VPS13A: variants seen among roughly 807,000 people sequenced by gnomAD.
VPS13A encodes intermembrane lipid transfer protein VPS13A.
VPS13A carries 264 observed loss-of-function variants against 390.9 expected under a neutral mutation model. That is an observed-to-expected ratio of 0.68 (90% CI 0.61 to 0.75). The LOEUF (loss-of-function observed/expected upper bound fraction) is 0.75. Among genes scored for constraint, VPS13A ranks in the 30% least tolerant of loss-of-function variants. The probability of loss-of-function intolerance (pLI) is 0.00; values close to 1 mark genes in which losing one functional copy is unlikely to be tolerated. For synonymous variants in VPS13A, 1,231 were observed against 1,227.1 expected (o/e 1.00, Z -0.07); for missense variants, 3,409 against 3,733.9 (o/e 0.91, Z 2.27).
At chr9:77,414,720 C>A (rs1835095163) in intron 71 of VPS13A, among the ~76,000 whole-genome samples, 1 of 141,716 alleles carries the variant, frequency 7.1e-6, no homozygotes, top group Non-Finnish European at 1.5e-5. Context: ...GCACATGTAC[C>A]CTAAAACTTG....
At chr9:77,403,860 A>G (rs1005329676) in intron 69 of VPS13A, among the ~76,000 whole-genome samples, 14 of 152,194 alleles carry the variant, frequency 9.2e-5, no homozygotes, top group African/African-American at 3.4e-4. Context: ...AAAATGAGCA[A>G]GTGCATTAGT....
chr9:77,210,219 TCTCC>T (rs1825898798), intron 6 of VPS13A, among the ~76,000 whole-genome samples: 1 of 117,628 alleles, frequency 8.5e-6, no homozygotes, highest in African/African-American at 3.4e-5. Flanking sequence ...TCTCCTCTTC[TCTCC>T]CCTCCCCTCC....
chr9:77,319,566 CTG>C lies in VPS13A; in HGVS notation c.5314-4_5314-3del. ...TCATTTTTAATTTAAAAAATTCTCT[CTG>C]TAGGTGCATTATTATAATGAAATGT... On this transcript the variant is annotated splice_polypyrimidine_tract_variant and splice_region_variant and intron_variant, in intron 41 of 71. Coordinates refer to ENST00000360280, the MANE Select transcript of VPS13A (RefSeq NM_033305.3). 6.4e-7 allele frequency: 1 copy of C among 1,556,714 alleles called. No homozygotes were observed.
chr9:77,325,775 C>T (rs1829988933), intron 45 of VPS13A, among the ~76,000 whole-genome samples: 1 of 152,066 alleles, frequency 6.6e-6, no homozygotes, highest in African/African-American at 2.4e-5. Flanking sequence ...AGTATACTTC[C>T]ACTTCTCATC....
In VPS13A at chr9:77,227,351, T is replaced by G. The variant is rs775124814; in HGVS notation, c.1358-40T>G. On this transcript the variant is annotated intron_variant, in intron 15 of 71. Transcript: ENST00000360280. ...AGATACATTGTGTTAATTTTATTGT[T>G]TTTATTTAAGAACATAAAGCACTTC... 4 of 1,422,630 alleles carry G rather than the reference T, an allele frequency of 2.8e-6. No individual in the cohort carries two copies. In the South Asian group the frequency reaches 4.7e-5, roughly 17 times the overall value. 88.1% of individuals were successfully genotyped at this position (1,422,630 alleles called of 1,614,324 possible). A position where few individuals can be genotyped will look rare whatever the true frequency, so the allele number is the denominator to read the frequency against.
At chr9:77,385,091 AAG>A in intron 68 of VPS13A, 1 of 993,728 alleles carries the variant, frequency 1.0e-6, no homozygotes, top group Non-Finnish European at 1.2e-6. Flanking sequence ...TGTAAAAAAA[AAG>A]GAAGAAAATA....
At position 77,359,324 on chromosome 9, in the gene VPS13A, C is replaced by T. The variant is rs763707588; in HGVS notation, c.8036-9C>T. On this transcript the variant is annotated splice_polypyrimidine_tract_variant and intron_variant, in intron 57 of 71. Coordinates refer to ENST00000360280, the MANE Select transcript of VPS13A (RefSeq NM_033305.3). ...ATCATGGGAGTAATTATATTTATAACCTTTACAGCACCAAAGCCCTTTACA... is the reference window on the plus strand; with the variant it reads ...ATCATGGGAGTAATTATATTTATAATCTTTACAGCACCAAAGCCCTTTACA... The T allele has an allele frequency of 7.4e-6, 12 of 1,612,404 alleles. No homozygotes were observed. In the Admixed American group the frequency reaches 8.3e-5, roughly 11 times the overall value.
rs1564630436 is a variant in VPS13A at position 77,207,245 on chromosome 9, A to ATG, written c.385+1167_385+1168insGT. Among the ~76,000 whole-genome samples, 724 of 112,786 alleles carry ATG rather than the reference A, an allele frequency of 6.4e-3. 23 individuals are homozygous for ATG. The highest frequency in any genetic ancestry group is 9.1e-3 in the Non-Finnish European group (482 of 53,238). The allele number at this position is 112,786 out of a possible 152,430, so 74.0% of individuals were successfully genotyped here. On this transcript the variant is annotated intron_variant, in intron 5 of 71. Transcript: ENST00000360280. The stretch of plus-strand genomic sequence containing the variant: ...TATATATATATATATATATATATAT[A>ATG]TATATATAAAACGTGTTATATGTAA...
chr9:77,387,345 A>C (rs1563982874), intron 68 of VPS13A, among the ~76,000 whole-genome samples: 1 of 152,242 alleles, frequency 6.6e-6, no homozygotes, highest in Non-Finnish European at 1.5e-5. Context: ...AGGAAAGTCT[A>C]GTGAGAAAGC....
chr9:77,405,518 G>A (rs1256043919), intron 69 of VPS13A, among the ~76,000 whole-genome samples: 1 of 152,120 alleles, frequency 6.6e-6, no homozygotes, highest in Non-Finnish European at 1.5e-5. Context: ...TGAGCATTAT[G>A]TTAGCTGCAT....
chr9:77,317,602 A>G lies in VPS13A; in HGVS notation c.4864-4A>G, dbSNP rs768019151. The stretch of plus-strand genomic sequence containing the variant: ...ATTTAGTGGTATTGATTTTTCTCTC[A>G]TAGGTTTTGCAGCCCTGTGACTTGT... On this transcript the variant is annotated splice_region_variant and splice_polypyrimidine_tract_variant and intron_variant, in intron 39 of 71. Coordinates refer to ENST00000360280, the MANE Select transcript of VPS13A (RefSeq NM_033305.3). 5 of 1,596,274 alleles carry G rather than the reference A, an allele frequency of 3.1e-6. No individual in the cohort carries two copies. The South Asian group carries it at 4.6e-5, about 15-fold the overall frequency.
intron 21 of VPS13A, among the ~76,000 whole-genome samples, chr9:77,250,472 T>C (rs1473334286): frequency 1.3e-5 from 2 of 152,114 alleles, no homozygotes; most frequent in Non-Finnish European, 2.9e-5. Context: ...TCCTAGCATC[T>C]AGTGGGTAAA....
intron 1 of VPS13A, among the ~76,000 whole-genome samples, chr9:77,182,991 A>T (rs1289107008): frequency 6.6e-6 from 1 of 152,206 alleles, no homozygotes; most frequent in African/African-American, 2.4e-5. Flanking sequence ...TTCTGTGCCC[A>T]GAATACACTA....
intron 59 of VPS13A, among the ~76,000 whole-genome samples, chr9:77,362,361 G>A (rs1428818941): frequency 6.6e-6 from 1 of 152,116 alleles, no homozygotes; most frequent in African/African-American, 2.4e-5. Flanking sequence ...TTGGCATGTT[G>A]CTATCCAGTT....
At chr9:77,206,477 G>C (rs907136815) in intron 5 of VPS13A, among the ~76,000 whole-genome samples, 1 of 151,976 alleles carries the variant, frequency 6.6e-6, no homozygotes, top group Non-Finnish European at 1.5e-5. Context: ...CCCTTTTGGA[G>C]ATACTTAGTT....
intron 15 of VPS13A, 76 bp downstream of exon 15, chr9:77,226,674 A>AAT: frequency 7.1e-7 from 1 of 1,417,222 alleles, no homozygotes; most frequent in South Asian, 1.3e-5. Flanking sequence ...TGCCTAATTA[A>AAT]AGTAAATAGA....
At position 77,220,071 on chromosome 9, in the gene VPS13A, A is replaced by G. The variant is rs1284122641; in HGVS notation, c.872A>G (p.Asn291Ser). 1.2e-6 allele frequency: 2 copies of G among 1,609,060 alleles called. No homozygotes were observed. The highest frequency in any genetic ancestry group is 1.7e-6 in the Non-Finnish European group (2 of 1,176,212). ...TTACATAACATAGCAATTGAATTTAATAAACCACAGGTGATTTTCTTTAAT... is the reference window on the plus strand; with the variant it reads ...TTACATAACATAGCAATTGAATTTAGTAAACCACAGGTGATTTTCTTTAAT... ...IELHNIAIEF[N>S]KPQYFSIMEL... Residue 291 changes from asparagine (N) to serine (S), a missense_variant, in exon 11 of 72, where the codon AAT (asparagine) becomes AGT (serine). Transcript: ENST00000360280.
At position 77,419,532 on chromosome 9, in the gene VPS13A, G is replaced by A. The variant is rs1054014098; in HGVS notation, c.*3526G>A. The A allele has an allele frequency of 2.0e-5, 3 of 152,172 alleles. No individual in the cohort carries two copies. Among genetic ancestry groups the A allele is most frequent in the Non-Finnish European group, 2.9e-5 (2 of 68,026 alleles). 9.4% of individuals were successfully genotyped at this position (152,172 alleles called of 1,614,324 possible). On this transcript the variant is annotated 3_prime_UTR_variant, in exon 72 of 72. Transcript: ENST00000360280. Reference sequence around the variant, plus strand: ...AAGGAGCAGCAGATCCACAACTCAGGAAGTCTAGAGATGCTTAGCACTTCT... The same window carrying A: ...AAGGAGCAGCAGATCCACAACTCAGAAAGTCTAGAGATGCTTAGCACTTCT...
chr9:77,272,448 C>T (rs1003222099), intron 23 of VPS13A, among the ~76,000 whole-genome samples: 6 of 152,194 alleles, frequency 3.9e-5, no homozygotes, highest in African/African-American at 1.4e-4. Context: ...AACACAGATA[C>T]TCACCAACAG....
Sources: allele counts gnomAD v4.1 joint callset (sites outside exome capture counted in the v4.1 genomes callset), GRCh38; gene constraint gnomAD v4.1.1; transcripts MANE v1.5; gene names NCBI Gene and HGNC (gene_info 2026-07-23, HGNC 2026-07-21).